TSBP1: variants seen among roughly 807,000 people sequenced by gnomAD.
TSBP1 encodes the protein testis-expressed basic protein 1.
In TSBP1, 56 loss-of-function variants were observed where a neutral mutation model predicts 68.8. That is an observed-to-expected ratio of 0.81 (90% CI 0.66 to 1.02). The LOEUF (loss-of-function observed/expected upper bound fraction) is 1.02. Among genes scored for constraint, TSBP1 ranks in the 50% least tolerant of loss-of-function variants. TSBP1 has a pLI of 0.00. For missense variants in TSBP1, 502 were observed against 641.2 expected (o/e 0.78, Z 2.34); for synonymous variants, 171 against 208.7 (o/e 0.82, Z 1.56).
At chr6:32,324,584 C>T (rs1223203402) in intron 16 of TSBP1, 1 of 1,535,232 alleles carries the variant, frequency 6.5e-7, no homozygotes, top group African/African-American at 1.4e-5. Flanking sequence ...CCAATATGGG[C>T]AGATAAAGAC....
rs570867502 is a variant in TSBP1, at chr6:32,368,715, T to C, written c.133+67A>G. 3 of 1,476,360 alleles carry C rather than the reference T, an allele frequency of 2.0e-6. No individual in the cohort carries two copies. The South Asian group carries it at 3.6e-5, about 18-fold the overall frequency. The allele number at this position is 1,476,360 out of a possible 1,614,324, so 91.5% of individuals were successfully genotyped here. A position where few individuals can be genotyped will look rare whatever the true frequency, so the allele number is the denominator to read the frequency against. ...AAACACAACTGTAAACAAGACAGAT[T>C]TCTTTCCTGACTTGTGAAAATTCTA... On this transcript the variant is annotated intron_variant, in intron 3 of 22. Coordinates refer to ENST00000612031, the Ensembl canonical transcript of TSBP1.
Position 32,336,479 on chromosome 6 carries a change from C to T in TSBP1, c.430+136G>A, listed in dbSNP as rs186762166. ...CAGCATCACACAATATACCCATTAGCAAACCTGCATATGCACCACCGGAAT... is the reference window on the plus strand; with the variant it reads ...CAGCATCACACAATATACCCATTAGTAAACCTGCATATGCACCACCGGAAT... On this transcript the variant is annotated intron_variant, in intron 12 of 22. Coordinates refer to ENST00000612031, the Ensembl canonical transcript of TSBP1. This position sits in a 1 kb window ranked among gnomAD's most constrained non-coding sequence, Gnocchi z 5.2. 22 of 719,018 alleles carry T rather than the reference C, an allele frequency of 3.1e-5. No individual in the cohort carries two copies. Among genetic ancestry groups the T allele is most frequent in the African/African-American group, 2.1e-4 (12 of 56,012 alleles). The allele number at this position is 719,018 out of a possible 1,614,324, so 44.5% of individuals were successfully genotyped here.
chr6:32,317,861 C>T (rs772717506), intron 18 of TSBP1, among the ~76,000 whole-genome samples: 6 of 152,140 alleles, frequency 3.9e-5, no homozygotes, highest in Non-Finnish European at 7.4e-5. Flanking sequence ...TTGGTGGCAA[C>T]GTAAATTAGT....
Position 32,335,925 on chromosome 6 carries a change from A to G in TSBP1, c.438T>C (p.Ala146=), listed in dbSNP as rs1366672575. 6.2e-7 allele frequency: 1 copy of G among 1,609,866 alleles called. No homozygotes were observed. Among genetic ancestry groups the G allele is most frequent in the Non-Finnish European group, 8.5e-7 (1 of 1,177,990 alleles). ...GAGCAAACTTACTGATAGGTCCTGTAGCTCCGGCTGTGAGAGAGAAAGAGG... is the reference window on the plus strand; with the variant it reads ...GAGCAAACTTACTGATAGGTCCTGTGGCTCCGGCTGTGAGAGAGAAAGAGG... Residue 146 remains alanine (A), a synonymous_variant, in exon 13 of 23, where the codon GCT becomes GCC. Coordinates refer to ENST00000612031, the Ensembl canonical transcript of TSBP1. This position sits in a 1 kb window ranked among gnomAD's most constrained non-coding sequence, Gnocchi z 5.5.
intron 8 of TSBP1, among the ~76,000 whole-genome samples, chr6:32,350,629 C>G (rs140961206): frequency 6.8e-4 from 103 of 152,250 alleles, no homozygotes; most frequent in African/African-American, 2.3e-3. Flanking sequence ...TTGTAAGAAC[C>G]TGGGATTATC....
intron 6 of TSBP1, 95 bp downstream of exon 6, chr6:32,366,072 T>C (rs75940213): frequency 2.8e-5 from 32 of 1,133,262 alleles, no homozygotes; most frequent in Admixed American, 4.7e-5. Flanking sequence ...TCTTCTTCTT[T>C]TTTAAATTTT....
At chr6:32,323,703 A>G in intron 16 of TSBP1, 89 bp from the exon 18 acceptor site, 2 of 1,162,122 alleles carry the variant, frequency 1.7e-6, no homozygotes, top group Admixed American at 1.9e-5. Context: ...GTAGGTCATT[A>G]TAACAATAGG....
exon 1 of TSBP1, chr6:32,371,831 C>A: frequency 1.9e-6 from 2 of 1,046,984 alleles, no homozygotes; most frequent in Non-Finnish European, 1.5e-6. Flanking sequence ...GTCAGGGAGG[C>A]CCTTGTAGGC....
Position 32,317,630 on chromosome 6 carries a change from A to G in TSBP1, c.560-1838T>C, listed in dbSNP as rs1437989077. Among the ~76,000 whole-genome samples the G allele has an allele frequency of 2.0e-5, 3 of 152,240 alleles. 1 individual carries two copies. Among genetic ancestry groups the G allele is most frequent in the Admixed American group, 2.0e-4 (3 of 15,286 alleles). On this transcript the variant is annotated intron_variant, in intron 18 of 22. Coordinates refer to ENST00000612031, the Ensembl canonical transcript of TSBP1. ...TTTACAAGACAAAAACAATCCCATT[A>G]AAAAGTTGGCAAAAAAAGGGAATAG...
chr6:32,318,102 G>A (rs538473), intron 18 of TSBP1, among the ~76,000 whole-genome samples: 33,158 of 152,108 alleles, frequency 0.22, 5,118 homozygotes, highest in African/African-American at 0.42. Context: ...TATACACCAT[G>A]TAATACCATG....
chr6:32,368,952 C>A, intron 2 of TSBP1, 138 bp from the exon 3 acceptor site: 3 of 1,042,710 alleles, frequency 2.9e-6, no homozygotes, highest in Non-Finnish European at 4.0e-6. Flanking sequence ...GTTGTTCTCA[C>A]CCATTTTCCA....
At chr6:32,358,138 T>C (rs1014584923) in intron 6 of TSBP1, among the ~76,000 whole-genome samples, 1 of 152,216 alleles carries the variant, frequency 6.6e-6, no homozygotes, top group South Asian at 2.1e-4. Flanking sequence ...GACTAACATA[T>C]AGTAGGTGCT....
intron 19 of TSBP1, among the ~76,000 whole-genome samples, chr6:32,310,618 C>A (rs1048486240): frequency 6.7e-6 from 1 of 150,336 alleles, no homozygotes; most frequent in Non-Finnish European, 1.5e-5. Flanking sequence ...CATATAGTTA[C>A]ATTAGAATTT....
intron 22 of TSBP1, among the ~76,000 whole-genome samples, chr6:32,297,781 C>T (rs569952587): frequency 2.6e-5 from 4 of 151,904 alleles, no homozygotes; most frequent in East Asian, 1.9e-4. Flanking sequence ...CAACTGGGGC[C>T]GATGCAGTGG....
chr6:32,300,613 T>G, intron 21 of TSBP1, 67 bp downstream of exon 24: 1 of 1,410,680 alleles, frequency 7.1e-7, no homozygotes, highest in Non-Finnish European at 1.0e-6. Flanking sequence ...ACAAGAACAT[T>G]TGGGAAAAAG....
At chr6:32,308,351 C>A (rs1178446930) in intron 19 of TSBP1, among the ~76,000 whole-genome samples, 1 of 151,718 alleles carries the variant, frequency 6.6e-6, no homozygotes, top group Non-Finnish European at 1.5e-5. Context: ...GTAATCCCAG[C>A]ACTTTGGGAG....
exon 23 of TSBP1, chr6:32,293,456 A>G (rs1764366807): frequency 6.2e-7 from 1 of 1,611,346 alleles, no homozygotes; most frequent in South Asian, 1.1e-5. Context: ...CTGTCCTTTC[A>G]GTACAACTGA....
rs1310474439 is a variant in TSBP1, at chr6:32,316,758, G to C, written c.560-966C>G. ...GGAGAAGCTAGATTAGCAGAGGGCAGAGGAAACTGGGAGCTTTGAGTCAGG... is the reference window on the plus strand; with the variant it reads ...GGAGAAGCTAGATTAGCAGAGGGCACAGGAAACTGGGAGCTTTGAGTCAGG... On this transcript the variant is annotated intron_variant, in intron 18 of 22. Transcript: ENST00000612031. This position sits in a 1 kb window ranked among gnomAD's most constrained non-coding sequence, Gnocchi z 4.5. Among the ~76,000 whole-genome samples the C allele has an allele frequency of 9.2e-5, 14 of 152,174 alleles. 1 individual carries two copies. Among genetic ancestry groups the C allele is most frequent in the Admixed American group, 7.9e-4 (12 of 15,278 alleles).
intron 18 of TSBP1, 53 bp from the exon 20 acceptor site, chr6:32,322,559 A>G: frequency 7.5e-7 from 1 of 1,335,292 alleles, no homozygotes; most frequent in Non-Finnish European, 1.1e-6. Context: ...TAGAAAACAC[A>G]TAGTATTATC....
Sources: gnomAD v4.1 joint callset for allele counts (sites outside exome capture counted in the v4.1 genomes callset) on GRCh38, gnomAD v4.1.1 for gene constraint, Gnocchi (gnomAD v3.1) non-coding constraint, MANE v1.5 for transcripts, NCBI Gene and HGNC (gene_info 2026-07-23, HGNC 2026-07-21) for gene names.